Variants in SAMD4A observed in about 807,000 individuals in gnomAD.
SAMD4A encodes sterile alpha motif domain containing 4A, also known as protein Smaug homolog 1.
A neutral mutation model predicts 81.3 loss-of-function variants in SAMD4A; 33 were observed. The observed-to-expected ratio is 0.41, with a 90% CI of 0.31 to 0.54. The LOEUF is 0.54. Among genes scored for constraint, SAMD4A ranks in the 20% least tolerant of loss-of-function variants. The pLI, the probability that SAMD4A is intolerant of heterozygous loss-of-function variation, is 0.37. For missense variants in SAMD4A, 854 were observed against 951.1 expected (o/e 0.90, Z 1.34); for synonymous variants, 389 against 382.1 (o/e 1.02, Z -0.21).
intron 6 of SAMD4A, among the ~76,000 whole-genome samples, chr14:54,757,423 GTGTGTTTT>G (rs1390147838): frequency 7.4e-6 from 1 of 135,432 alleles, no homozygotes; most frequent in East Asian, 2.5e-4. Context: ...GTGTGTGTGT[GTGTGTTTT>G]GTTTTGTTTT....
At chr14:54,720,710 A>G (rs1433108004) in intron 3 of SAMD4A, among the ~76,000 whole-genome samples, 5 of 151,164 alleles carry the variant, frequency 3.3e-5, no homozygotes, top group African/African-American at 1.2e-4. Context: ...TAACAAACCT[A>G]TTTTTTTTTC....
intron 10 of SAMD4A, 104 bp from the exon 11 acceptor site, chr14:54,776,310 T>C (rs2139941979): frequency 1.6e-6 from 2 of 1,249,894 alleles, no homozygotes; most frequent in Admixed American, 2.7e-5. Flanking sequence ...TTCTAGAAGT[T>C]AGAGTTCTCC....
chr14:54,724,050 AATAATGC>A (rs146215956), intron 3 of SAMD4A, among the ~76,000 whole-genome samples: 52 of 151,066 alleles, frequency 3.4e-4, no homozygotes, highest in African/African-American at 1.2e-3. Flanking sequence ...GGAAGGAAGG[AATAATGC>A]AGGACGCATC....
At chr14:54,602,671 T>C (rs113870005) in intron 2 of SAMD4A, among the ~76,000 whole-genome samples, 3,731 of 151,006 alleles carry the variant, frequency 0.025, 72 homozygotes, top group Middle Eastern at 0.041. Flanking sequence ...TGGGGAGGGA[T>C]AGCATTAGGA....
intron 2 of SAMD4A, among the ~76,000 whole-genome samples, chr14:54,645,832 A>G (rs746434924): frequency 6.6e-6 from 1 of 152,216 alleles, no homozygotes; most frequent in African/African-American, 2.4e-5. Context: ...TTATGTCTTG[A>G]AAAACATCTG....
intron 2 of SAMD4A, among the ~76,000 whole-genome samples, chr14:54,647,389 G>A (rs1229624960): frequency 6.6e-6 from 1 of 152,200 alleles, no homozygotes; most frequent in Non-Finnish European, 1.5e-5. Context: ...CGGCTAGTAA[G>A]TGGCAGAACA....
chr14:54,756,891 G>C (rs1383290280), intron 6 of SAMD4A, among the ~76,000 whole-genome samples: 1 of 152,242 alleles, frequency 6.6e-6, no homozygotes, highest in Non-Finnish European at 1.5e-5. Context: ...GCTGTGGTCA[G>C]TGGTGGACCA....
chr14:54,638,833 A>G (rs1045486591), intron 2 of SAMD4A, among the ~76,000 whole-genome samples: 3 of 152,238 alleles, frequency 2.0e-5, no homozygotes, highest in Admixed American at 6.5e-5. Context: ...TATTACCTGA[A>G]TTCAATGTAT....
rs1204375492 is a variant in SAMD4A at position 54,588,594 on chromosome 14, T to G, written c.196+20482T>G. On this transcript the variant is annotated intron_variant, in intron 2 of 12. Coordinates refer to ENST00000554335, the MANE Select transcript of SAMD4A (RefSeq NM_015589.6). ...TGTGAACATTTAAGTATTTTTTTTG[T>G]ACACTCTTTTCTACAATGGATATTG... Among the ~76,000 whole-genome samples the G allele has an allele frequency of 3.3e-5, 5 of 152,284 alleles. No homozygotes were observed. In the East Asian group the frequency reaches 7.7e-4, roughly 23 times the overall value.
At position 54,702,518 on chromosome 14, in the gene SAMD4A, C is replaced by T; in HGVS notation, c.653C>T (p.Pro218Leu). 6.2e-7 allele frequency: 1 copy of T among 1,614,146 alleles called. No individual in the cohort carries two copies. The highest frequency in any genetic ancestry group is 8.5e-7 in the Non-Finnish European group (1 of 1,179,984). The part of the protein sequence containing the change: ...KSMGCENGHV[P>L]LYSSSSVPTT... Reference sequence around the variant, plus strand: ...ATGGGGTGTGAGAATGGCCATGTGCCCCTCTACTCCTCCTCATCTGTCCCC... The same window carrying T: ...ATGGGGTGTGAGAATGGCCATGTGCTCCTCTACTCCTCCTCATCTGTCCCC... Residue 218 changes from proline to leucine, a missense_variant, in exon 3 of 13, where the codon CCC becomes CTC. Transcript: ENST00000554335.
At chr14:54,701,198 C>T in intron 2 of SAMD4A, 1 of 152,074 alleles carries the variant, frequency 6.6e-6, no homozygotes, top group Admixed American at 6.6e-5. Context: ...GATGAGGTCT[C>T]ATTATGTTGC....
At chr14:54,716,006 G>A (rs2037108576) in intron 3 of SAMD4A, among the ~76,000 whole-genome samples, 1 of 152,086 alleles carries the variant, frequency 6.6e-6, no homozygotes, top group Admixed American at 6.6e-5. Flanking sequence ...CTGAATCACA[G>A]GCCACTTGAA....
At chr14:54,785,270 C>G (rs188538408) in intron 12 of SAMD4A, among the ~76,000 whole-genome samples, 2 of 152,382 alleles carry the variant, frequency 1.3e-5, no homozygotes, top group African/African-American at 4.8e-5. Flanking sequence ...GCTGTGGCCC[C>G]ACAAGCAGCT....
chr14:54,583,282 A>G (rs1157875410), intron 2 of SAMD4A, among the ~76,000 whole-genome samples: 1 of 152,206 alleles, frequency 6.6e-6, no homozygotes, highest in Non-Finnish European at 1.5e-5. Context: ...AATGGGGCAT[A>G]CTTATACCAC....
chr14:54,664,192 T>C (rs2035705994), intron 2 of SAMD4A, among the ~76,000 whole-genome samples: 1 of 152,148 alleles, frequency 6.6e-6, no homozygotes, highest in African/African-American at 2.4e-5. Context: ...TTTTCTCTTC[T>C]TTAAAGAAAG....
intron 3 of SAMD4A, among the ~76,000 whole-genome samples, chr14:54,726,126 A>G (rs2037409918): frequency 6.6e-6 from 1 of 152,050 alleles, no homozygotes; most frequent in Admixed American, 6.6e-5. Flanking sequence ...TTATGCTCTC[A>G]CCAGCTGAAT....
chr14:54,619,807 G>A (rs1215154801), intron 2 of SAMD4A, among the ~76,000 whole-genome samples: 8 of 152,132 alleles, frequency 5.3e-5, no homozygotes, highest in African/African-American at 9.7e-5. Flanking sequence ...ATGTTCCTGC[G>A]AAGGACATGA....
intron 2 of SAMD4A, among the ~76,000 whole-genome samples, chr14:54,613,964 G>A (rs3949942): frequency 0.41 from 62,756 of 152,056 alleles, 13,156 homozygotes; most frequent in Middle Eastern, 0.49. Context: ...TTTAAGAAAC[G>A]ACCAGTTGTC....
intron 2 of SAMD4A, among the ~76,000 whole-genome samples, chr14:54,647,472 T>A (rs1466211324): frequency 6.6e-6 from 1 of 152,224 alleles, no homozygotes; most frequent in Non-Finnish European, 1.5e-5. Flanking sequence ...AACACACTTT[T>A]TAAAGAGCTT....
Sources: allele counts gnomAD v4.1 joint callset (sites outside exome capture counted in the v4.1 genomes callset), GRCh38; gene constraint gnomAD v4.1.1; transcripts MANE v1.5; gene names NCBI Gene and HGNC (gene_info 2026-07-23, HGNC 2026-07-21).